The following CTNNA3 variants were observed in gnomAD, a reference collection of about 807,000 sequenced individuals.
CTNNA3 encodes the protein catenin alpha 3.
CTNNA3 carries 76 observed loss-of-function variants against 95.7 expected under a neutral mutation model. The observed-to-expected ratio is 0.79, with a 90% CI of 0.66 to 0.96. CTNNA3 has a LOEUF of 0.96. CTNNA3 is among the 40% of genes least tolerant of loss of function. The pLI is 0.00. For synonymous variants in CTNNA3, 431 were observed against 374.4 expected (o/e 1.15, Z -1.74); for missense variants, 1,191 against 1,089.8 (o/e 1.09, Z -1.31).
intron 6 of CTNNA3, among the ~76,000 whole-genome samples, chr10:67,218,373 G>A (rs1398692433): frequency 2.6e-5 from 4 of 152,132 alleles, no homozygotes; most frequent in African/African-American, 9.7e-5. Context: ...CCTTCCCAGG[G>A]TAGAGTAACC....
At chr10:66,089,079 CTCAGCAGTAAAGT>C (rs1294569804) in intron 14 of CTNNA3, among the ~76,000 whole-genome samples, 1 of 151,774 alleles carries the variant, frequency 6.6e-6, no homozygotes, top group African/African-American at 2.4e-5. Context: ...ATTTTGTATT[CTCAGCAGTAAAGT>C]TCGCGCCCCT....
chr10:67,077,057 C>G (rs1386912281), intron 7 of CTNNA3, among the ~76,000 whole-genome samples: 2 of 152,166 alleles, frequency 1.3e-5, no homozygotes, highest in Non-Finnish European at 2.9e-5. Context: ...CTAAACATTC[C>G]TCTGAGACCT....
chr10:67,534,759 T>C (rs111231152), intron 4 of CTNNA3, among the ~76,000 whole-genome samples: 2,515 of 152,190 alleles, frequency 0.017, 77 homozygotes, highest in African/African-American at 0.055. Flanking sequence ...AGACAATCTA[T>C]AAATGAAAAT....
At chr10:65,993,097 A>C (rs1362081807) in intron 15 of CTNNA3, among the ~76,000 whole-genome samples, 1 of 152,180 alleles carries the variant, frequency 6.6e-6, no homozygotes, top group Non-Finnish European at 1.5e-5. Flanking sequence ...ATTGTGGCAT[A>C]GGAGGACACT....
At chr10:67,131,995 G>GA (rs768919441) in intron 7 of CTNNA3, among the ~76,000 whole-genome samples, 4 of 152,092 alleles carry the variant, frequency 2.6e-5, no homozygotes, top group Non-Finnish European at 4.4e-5. Context: ...ATGATTGGAA[G>GA]AAACTGAGAC....
chr10:66,193,722 T>C (rs1028096827), intron 13 of CTNNA3, among the ~76,000 whole-genome samples: 2 of 152,218 alleles, frequency 1.3e-5, no homozygotes, highest in African/African-American at 2.4e-5. Context: ...CTTTATTTCA[T>C]ACTTCCTAGT....
rs563806302 is a variant in CTNNA3 at position 66,869,362 on chromosome 10, C to T, written c.1048-93838G>A. ...CTCAGCACTTTGGGAGGCCGAGGCT[C>T]TTGTTTTTCAAGACCAGCCTGAACA... is the stretch of plus-strand genomic sequence containing the variant. On this transcript the variant is annotated intron_variant, in intron 7 of 17. Transcript: ENST00000433211. Among the ~76,000 whole-genome samples, 10 of 151,986 alleles carry T rather than the reference C, an allele frequency of 6.6e-5. No homozygotes were observed. The South Asian group carries it at 2.1e-3, about 32-fold the overall frequency.
At chr10:67,751,556 A>C (rs1250642508) in intron 1 of CTNNA3, among the ~76,000 whole-genome samples, 1 of 151,982 alleles carries the variant, frequency 6.6e-6, no homozygotes, top group East Asian at 1.9e-4. Context: ...GTAAAAAAAA[A>C]ATAGACCGCT....
intron 7 of CTNNA3, among the ~76,000 whole-genome samples, chr10:67,068,139 G>A (rs1035806890): frequency 5.9e-5 from 9 of 152,056 alleles, no homozygotes. Flanking sequence ...AATAATGAGA[G>A]CTAAACTAAG....
At chr10:66,964,400 C>T (rs977301212) in intron 7 of CTNNA3, among the ~76,000 whole-genome samples, 3 of 151,584 alleles carry the variant, frequency 2.0e-5, no homozygotes, top group Admixed American at 6.6e-5. Context: ...AAATTACATA[C>T]ATTTTTAAAC....
At chr10:66,430,252 G>A (rs1589238430) in intron 11 of CTNNA3, among the ~76,000 whole-genome samples, 1 of 152,004 alleles carries the variant, frequency 6.6e-6, no homozygotes, top group Non-Finnish European at 1.5e-5. Context: ...GGAAATAAAG[G>A]AGGATACAAA....
At chr10:67,427,955 CT>C (rs1845978762) in intron 5 of CTNNA3, among the ~76,000 whole-genome samples, 1 of 152,164 alleles carries the variant, frequency 6.6e-6, no homozygotes, top group African/African-American at 2.4e-5. Flanking sequence ...CAAGGTCCAC[CT>C]TTCATCTCCC....
At chr10:66,155,638 T>C (rs1173056026) in intron 13 of CTNNA3, among the ~76,000 whole-genome samples, 1 of 151,802 alleles carries the variant, frequency 6.6e-6, no homozygotes, top group African/African-American at 2.4e-5. Context: ...CTAGGTCAAG[T>C]GGATATATGT....
intron 11 of CTNNA3, among the ~76,000 whole-genome samples, chr10:66,504,789 A>T (rs1322087709): frequency 6.6e-6 from 1 of 152,186 alleles, no homozygotes; most frequent in African/African-American, 2.4e-5. Flanking sequence ...TGCTTTGTTG[A>T]AAGTCTTTGT....
intron 10 of CTNNA3, among the ~76,000 whole-genome samples, chr10:66,521,843 T>A (rs1457321483): frequency 1.3e-5 from 2 of 152,180 alleles, no homozygotes; most frequent in Non-Finnish European, 2.9e-5. Flanking sequence ...CCGTGTTTCA[T>A]CTCCTGTTAC....
At chr10:66,477,757 A>G (rs1358571172) in intron 11 of CTNNA3, among the ~76,000 whole-genome samples, 3 of 152,048 alleles carry the variant, frequency 2.0e-5, no homozygotes, top group Non-Finnish European at 4.4e-5. Flanking sequence ...TCATATCACA[A>G]ATACTCACAT....
At chr10:66,220,540 A>G (rs2088869662) in intron 13 of CTNNA3, among the ~76,000 whole-genome samples, 1 of 152,106 alleles carries the variant, frequency 6.6e-6, no homozygotes, top group Non-Finnish European at 1.5e-5. Flanking sequence ...CTGTCTACGG[A>G]CGGCTTAAGT....
chr10:66,769,325 A>C (rs1025381767), intron 8 of CTNNA3, among the ~76,000 whole-genome samples: 83 of 152,342 alleles, frequency 5.4e-4, no homozygotes, highest in African/African-American at 1.9e-3. Context: ...GGTCAGAGGC[A>C]GGGATGTATC....
chr10:67,067,235 ATATT>A (rs1856148345), intron 7 of CTNNA3, among the ~76,000 whole-genome samples: 1 of 152,190 alleles, frequency 6.6e-6, no homozygotes, highest in African/African-American at 2.4e-5. Flanking sequence ...GTATGTGTGT[ATATT>A]TATATATTTG....
Sources: allele counts gnomAD v4.1 joint callset (sites outside exome capture counted in the v4.1 genomes callset), GRCh38; gene constraint gnomAD v4.1.1; transcripts MANE v1.5; gene names NCBI Gene and HGNC (gene_info 2026-07-23, HGNC 2026-07-21).